CD109: variants seen among roughly 807,000 people sequenced by gnomAD.
CD109 encodes CD109 molecule, also known as CD109 antigen.
In CD109, 149 loss-of-function variants were observed where a neutral mutation model predicts 165.8. That is an observed-to-expected ratio of 0.90 (90% confidence interval 0.79 to 1.03). The LOEUF (loss-of-function observed/expected upper bound fraction) is 1.03. CD109 is among the 50% of genes least tolerant of loss of function. The pLI is 0.00. For synonymous variants in CD109, 585 were observed against 592.1 expected, an observed-to-expected ratio of 0.99 and a Z score of 0.18; for missense variants, 1,712 against 1,677.8, an observed-to-expected ratio of 1.02 and a Z score of -0.36.
chr6:73,771,317 G>A (rs1774024906), intron 14 of CD109, 112 bp from the exon 15 acceptor site: 3 of 804,950 alleles, frequency 3.7e-6, no homozygotes, highest in African/African-American at 1.8e-5. Context: ...AATTATCCCT[G>A]AGCCAAGGCA....
intron 3 of CD109, among the ~76,000 whole-genome samples, chr6:73,725,618 C>T (rs904410771): frequency 2.7e-5 from 4 of 147,880 alleles, no homozygotes; most frequent in Non-Finnish European, 4.4e-5. Flanking sequence ...AAGAGATTCT[C>T]CTGCCTCAGC....
At chr6:73,799,175 T>C (rs758645146) in intron 23 of CD109, among the ~76,000 whole-genome samples, 5 of 152,196 alleles carry the variant, frequency 3.3e-5, no homozygotes, top group Non-Finnish European at 5.9e-5. Flanking sequence ...AATGAGATAA[T>C]ATACTGCATT....
intron 5 of CD109, among the ~76,000 whole-genome samples, chr6:73,741,825 C>T (rs965066134): frequency 4.6e-5 from 7 of 152,106 alleles, no homozygotes; most frequent in African/African-American, 1.4e-4. Context: ...TGTGCACCAT[C>T]ATGTTCAGCT....
chr6:73,686,314 T>A, the CD109 span, among the ~76,000 whole-genome samples: 1 of 152,238 alleles, frequency 6.6e-6, no homozygotes, highest in African/African-American at 2.4e-5. Flanking sequence ...GTCCTCTCTA[T>A]TTTTCCTTGA....
In CD109 at chr6:73,781,816, G is replaced by GAC. The variant is rs796262663; in HGVS notation, c.1963+516_1963+517dup. 7.0e-3 allele frequency among the ~76,000 whole-genome samples: 438 copies of GAC among 62,904 alleles called. 7 individuals carry two copies. The East Asian group carries it at 0.13, about 18-fold the overall frequency. The allele number at this position is 62,904 out of a possible 152,430, so 41.3% of individuals were successfully genotyped here. On this transcript the variant is annotated intron_variant, in intron 17 of 32. Coordinates refer to ENST00000287097, the MANE Select transcript of CD109 (RefSeq NM_133493.5). ...ACACAGAGACATAGACACACACGCA[G>GAC]ACACACACACACACACACACCCCTC...
Position 73,804,258 on chromosome 6 carries a change from C to T in CD109, c.2960+957C>T, listed in dbSNP as rs1004807044. On this transcript the variant is annotated intron_variant, in intron 24 of 32. Transcript: ENST00000287097. The stretch of plus-strand genomic sequence containing the variant: ...CTTTATATAACATGAAACAGATCTG[C>T]TTCAAATTTTCTCTTGGCCTTGGCC... Among the ~76,000 whole-genome samples, 7 of 152,204 alleles carry T rather than the reference C, an allele frequency of 4.6e-5. 1 individual carries two copies. The South Asian group carries it at 1.4e-3, about 31-fold the overall frequency.
At chr6:73,734,788 CAA>C (rs1466686662) in intron 4 of CD109, among the ~76,000 whole-genome samples, 2 of 152,290 alleles carry the variant, frequency 1.3e-5, no homozygotes, top group East Asian at 3.9e-4. Context: ...TACTTCTAGG[CAA>C]AGTTTAGAGG....
intron 14 of CD109, among the ~76,000 whole-genome samples, chr6:73,768,621 G>A (rs916454346): frequency 4.6e-5 from 7 of 152,178 alleles, no homozygotes; most frequent in Non-Finnish European, 8.8e-5. Context: ...AGGATAATAC[G>A]TAGAAGCAGA....
intron 3 of CD109, among the ~76,000 whole-genome samples, chr6:73,724,796 T>G (rs6933300): frequency 1.3e-5 from 2 of 151,566 alleles, no homozygotes; most frequent in Non-Finnish European, 2.9e-5. Flanking sequence ...AGAAACAGGT[T>G]TCCCTATGTT....
At chr6:73,708,074 G>A (rs1771364792) in intron 2 of CD109, among the ~76,000 whole-genome samples, 1 of 149,734 alleles carries the variant, frequency 6.7e-6, no homozygotes, top group Non-Finnish European at 1.5e-5. Context: ...ATGTATACAT[G>A]TGCCATGTTG....
intron 23 of CD109, among the ~76,000 whole-genome samples, chr6:73,800,990 T>C (rs1296576122): frequency 6.6e-6 from 1 of 152,198 alleles, no homozygotes; most frequent in Non-Finnish European, 1.5e-5. Flanking sequence ...AATGCATCAA[T>C]TTTTTTATTT....
intron 7 of CD109, 134 bp from the exon 8 acceptor site, chr6:73,762,250 C>A (rs541291871): frequency 1.6e-6 from 1 of 633,216 alleles, no homozygotes; most frequent in Non-Finnish European, 2.7e-6. Context: ...CGTGAGCCAC[C>A]GCTCCCAGCC....
Position 73,791,136 on chromosome 6 carries a change from C to CACACACACATATAT in CD109, c.2702-1489_2702-1488insCACACACATATATA, listed in dbSNP as rs1478783898. On this transcript the variant is annotated intron_variant, in intron 22 of 32. Coordinates refer to ENST00000287097, the MANE Select transcript of CD109 (RefSeq NM_133493.5). ...TTGGAGGCATATATATACATACATA[C>CACACACACATATAT]ATATATATATATATATATATATATA... is the stretch of plus-strand genomic sequence containing the variant. 3.6e-4 allele frequency among the ~76,000 whole-genome samples: 20 copies of CACACACACATATAT among 56,332 alleles called. 1 individual carries two copies. Among genetic ancestry groups the CACACACACATATAT allele is most frequent in the African/African-American group, 1.4e-3 (15 of 10,434 alleles). 37.0% of individuals were successfully genotyped at this position (56,332 alleles called of 152,430 possible). A position where few individuals can be genotyped will look rare whatever the true frequency, so the allele number is the denominator to read the frequency against.
chr6:73,819,693 T>C (rs1776046312), intron 31 of CD109, among the ~76,000 whole-genome samples: 1 of 152,234 alleles, frequency 6.6e-6, no homozygotes, highest in Admixed American at 6.5e-5. Context: ...AGTCTCTAGA[T>C]TCTTTTGCTG....
chr6:73,757,065 C>T (rs1773423229), intron 6 of CD109, among the ~76,000 whole-genome samples: 1 of 152,282 alleles, frequency 6.6e-6, no homozygotes, highest in South Asian at 2.1e-4. Context: ...GGTAAATCCT[C>T]TTCTTGCAGG....
chr6:73,719,077 A>G (rs1771851098), intron 2 of CD109, among the ~76,000 whole-genome samples: 1 of 152,212 alleles, frequency 6.6e-6, no homozygotes, highest in Non-Finnish European at 1.5e-5. Flanking sequence ...TTCAGCATTT[A>G]ATCACTATAA....
chr6:73,741,265 T>C (rs1447502516), intron 5 of CD109, among the ~76,000 whole-genome samples: 1 of 152,188 alleles, frequency 6.6e-6, no homozygotes, highest in Non-Finnish European at 1.5e-5. Context: ...TGTGAATAGT[T>C]CTTTGCTACT....
upstream of CD109, among the ~76,000 whole-genome samples, chr6:73,691,359 C>T (rs1231296183): frequency 6.6e-6 from 1 of 152,178 alleles, no homozygotes; most frequent in Non-Finnish European, 1.5e-5. Context: ...CCCCATACAC[C>T]TGTATTTTTT....
intron 2 of CD109, among the ~76,000 whole-genome samples, chr6:73,720,706 C>T (rs1200902712): frequency 6.6e-6 from 1 of 152,098 alleles, no homozygotes; most frequent in Non-Finnish European, 1.5e-5. Context: ...TTAAACCCAT[C>T]CTAGAATAAT....
Sources: gnomAD v4.1 joint callset for allele counts (sites outside exome capture counted in the v4.1 genomes callset) on GRCh38, gnomAD v4.1.1 for gene constraint, MANE v1.5 for transcripts, NCBI Gene and HGNC (gene_info 2026-07-23, HGNC 2026-07-21) for gene names.